Variants in SBSPON observed in about 807,000 individuals in gnomAD.
The protein encoded by SBSPON is somatomedin-B and thrombospondin type-1 domain-containing protein.
Under a neutral mutation model 35.8 loss-of-function variants are expected in SBSPON, and 30 were observed. The observed-to-expected ratio is 0.84, with a 90% CI of 0.63 to 1.14. The LOEUF (loss-of-function observed/expected upper bound fraction) is 1.14, where lower values mean the gene tolerates loss of function less well. Among genes scored for constraint, SBSPON ranks in the 50% most tolerant of loss-of-function variants. SBSPON has a pLI of 0.00. For missense variants in SBSPON, 364 were observed against 357.7 expected, an observed-to-expected ratio of 1.02 and a Z score of -0.14; for synonymous variants, 136 against 135.9, an observed-to-expected ratio of 1.00 and a Z score of 0.00.
intron 4 of SBSPON, among the ~76,000 whole-genome samples, chr8:73,068,883 A>G (rs1034508361): frequency 6.6e-6 from 1 of 152,240 alleles, no homozygotes; most frequent in African/African-American, 2.4e-5. Flanking sequence ...AATCAAAACA[A>G]TAATGATATT....
intron 1 of SBSPON, among the ~76,000 whole-genome samples, chr8:73,090,306 T>G (rs1022200448): frequency 6.6e-6 from 1 of 152,152 alleles, no homozygotes; most frequent in Non-Finnish European, 1.5e-5. Flanking sequence ...ATTGAGGCAT[T>G]CGGGTTACTT....
intron 1 of SBSPON, among the ~76,000 whole-genome samples, chr8:73,088,500 TG>T (rs990117278): frequency 2.0e-5 from 3 of 152,098 alleles, no homozygotes; most frequent in African/African-American, 7.2e-5. Flanking sequence ...TTGGGCAACA[TG>T]GGGAAACTTC....
chr8:73,079,999 G>T (rs922665977), intron 2 of SBSPON, among the ~76,000 whole-genome samples: 1 of 152,176 alleles, frequency 6.6e-6, no homozygotes, highest in African/African-American at 2.4e-5. Context: ...TATGGTTTTT[G>T]CTATCCTGAG....
At chr8:73,070,669 C>G (rs1347330967) in intron 3 of SBSPON, among the ~76,000 whole-genome samples, 2 of 152,166 alleles carry the variant, frequency 1.3e-5, no homozygotes, top group Non-Finnish European at 2.9e-5. Flanking sequence ...TGTGACTGGA[C>G]ACTGAAAGCC....
At chr8:73,088,205 G>C (rs1185905887) in intron 1 of SBSPON, among the ~76,000 whole-genome samples, 7 of 152,168 alleles carry the variant, frequency 4.6e-5, no homozygotes. Flanking sequence ...AGAAATGCCA[G>C]TATTTCATCT....
chr8:73,088,704 A>C (rs1367549000), intron 1 of SBSPON, among the ~76,000 whole-genome samples: 4 of 150,874 alleles, frequency 2.7e-5, no homozygotes, highest in Non-Finnish European at 4.4e-5. Context: ...AAAAGAGAGA[A>C]GAAGAGAGTC....
chr8:73,079,848 A>G (rs572646635), intron 2 of SBSPON, among the ~76,000 whole-genome samples: 68 of 152,094 alleles, frequency 4.5e-4, no homozygotes, highest in African/African-American at 1.4e-3. Context: ...CTCCACATCA[A>G]CCATCGTGAC....
intron 2 of SBSPON, 33 bp downstream of exon 2, chr8:73,080,986 T>C (rs766827325): frequency 6.6e-7 from 1 of 1,518,358 alleles, no homozygotes; most frequent in African/African-American, 1.4e-5. Flanking sequence ...TCATCACAGA[T>C]AACAAAGGCA....
At chr8:73,085,111 G>T (rs1374162839) in intron 1 of SBSPON, among the ~76,000 whole-genome samples, 3 of 152,164 alleles carry the variant, frequency 2.0e-5, no homozygotes, top group Admixed American at 6.5e-5. Context: ...GGGGTGGAAG[G>T]AGACGAGTGA....
rs967182757 is a variant in SBSPON, at chr8:73,065,258, T to C, written c.*2083A>G. On this transcript the variant is annotated 3_prime_UTR_variant, in exon 5 of 5. Transcript: ENST00000297354. ...AAATTTATTTTATACACCTCAATTA[T>C]GTTAAATGTTATAACACATATCGGA... 7 of 152,212 alleles carry C rather than the reference T, an allele frequency of 4.6e-5. No individual in the cohort carries two copies. The highest frequency in any genetic ancestry group is 2.1e-4 in the South Asian group (1 of 4,834). 9.4% of individuals were successfully genotyped at this position (152,212 alleles called of 1,614,324 possible).
At chr8:73,070,354 A>G (rs1471459203) in intron 3 of SBSPON, among the ~76,000 whole-genome samples, 1 of 152,192 alleles carries the variant, frequency 6.6e-6, no homozygotes, top group Non-Finnish European at 1.5e-5. Flanking sequence ...GGAATTCTAT[A>G]AATTGAACAA....
intron 3 of SBSPON, 81 bp downstream of exon 3, chr8:73,071,697 CAT>C: frequency 2.5e-6 from 2 of 784,748 alleles, no homozygotes; most frequent in Admixed American, 2.6e-5. Flanking sequence ...AAGAAGAAAA[CAT>C]AAACCAAGTT....
chr8:73,078,727 G>C lies in SBSPON; in HGVS notation c.409+2292C>G, dbSNP rs569322792. Among the ~76,000 whole-genome samples the C allele has an allele frequency of 7.9e-5, 12 of 152,260 alleles. No homozygotes were observed. The East Asian group carries it at 2.1e-3, about 27-fold the overall frequency. On this transcript the variant is annotated intron_variant, in intron 2 of 4. Coordinates refer to ENST00000297354, the MANE Select transcript of SBSPON (RefSeq NM_153225.4). ...TACTGTCTCTGCAAAGTGACTGAGC[G>C]TAATTTTGTTCTATGGCTGTGTCTG...
intron 2 of SBSPON, 96 bp downstream of exon 2, chr8:73,080,923 G>A: frequency 9.0e-7 from 1 of 1,112,592 alleles, no homozygotes; most frequent in Non-Finnish European, 1.3e-6. Context: ...TGTGGTGCAT[G>A]GAACCTTCCC....
intron 1 of SBSPON, among the ~76,000 whole-genome samples, chr8:73,090,684 T>C (rs991930610): frequency 1.3e-5 from 2 of 152,234 alleles, no homozygotes; most frequent in African/African-American, 4.8e-5. Flanking sequence ...TGCTTCCTTC[T>C]AGGCCTGCAA....
intron 4 of SBSPON, among the ~76,000 whole-genome samples, chr8:73,069,084 G>C (rs1431568143): frequency 6.6e-6 from 1 of 152,038 alleles, no homozygotes; most frequent in East Asian, 1.9e-4. Flanking sequence ...TTACAGAAAA[G>C]GTTTTCTGGA....
At chr8:73,075,453 C>G (rs139470397) in intron 2 of SBSPON, among the ~76,000 whole-genome samples, 2 of 152,228 alleles carry the variant, frequency 1.3e-5, no homozygotes, top group Non-Finnish European at 2.9e-5. Context: ...TGCTAATGTG[C>G]GGAAGCACGT....
rs572430253 is a variant in SBSPON, at chr8:73,081,128, C to T, written c.300G>A (p.Ser100=). 29 of 1,613,440 alleles carry T rather than the reference C, an allele frequency of 1.8e-5. No individual in the cohort carries two copies. Among genetic ancestry groups the T allele is most frequent in the Admixed American group, 5.0e-5 (3 of 59,940 alleles). The change falls in exon 2 of 5, where the codon TCG becomes TCA. Residue 100 remains serine, a synonymous_variant. Transcript: ENST00000297354. ...CGCCGTTCTGAGGCTCCTGCTGCAC[C>T]GAGCGCCTCCGCACACGGGTTGTAG... ...CKPTTRVRRR[S]VQQEPQNGGA... is the part of the protein sequence containing the mutation.
At chr8:73,070,796 G>T (rs11990658) in intron 3 of SBSPON, among the ~76,000 whole-genome samples, 60,342 of 152,016 alleles carry the variant, frequency 0.4, 12,595 homozygotes, top group Middle Eastern at 0.46. Flanking sequence ...AGAAACTTGT[G>T]GCATTTTCAG....
Sources: allele counts gnomAD v4.1 joint callset (sites outside exome capture counted in the v4.1 genomes callset), GRCh38; gene constraint gnomAD v4.1.1; transcripts MANE v1.5; gene names NCBI Gene and HGNC (gene_info 2026-07-23, HGNC 2026-07-21).